The following SETBP1 variants were observed in gnomAD, a reference collection of about 807,000 sequenced individuals.
SETBP1 encodes SET-binding protein.
In SETBP1, 9 loss-of-function variants were observed where a neutral mutation model predicts 101.0. The observed-to-expected ratio is 0.09, with a 90% CI of 0.05 to 0.16. The LOEUF (loss-of-function observed/expected upper bound fraction) is 0.16. Ranked by LOEUF, SETBP1 falls within the 10% of genes least tolerant of loss-of-function variation. SETBP1 has a pLI of 1.00. For synonymous variants in SETBP1, 818 were observed against 788.5 expected (o/e 1.04, Z -0.63); for missense variants, 1,858 against 2,033.8 (o/e 0.91, Z 1.66).
intron 4 of SETBP1, among the ~76,000 whole-genome samples, chr18:44,960,145 C>T (rs2071580474): frequency 6.6e-6 from 1 of 152,048 alleles, no homozygotes; most frequent in African/African-American, 2.4e-5. Flanking sequence ...GATCCTCCCG[C>T]CTCGGCCACC....
intron 2 of SETBP1, among the ~76,000 whole-genome samples, chr18:44,774,368 TGTGTGTGG>T (rs950079397): frequency 8.6e-5 from 13 of 151,912 alleles, no homozygotes; most frequent in African/African-American, 3.1e-4. Context: ...AGTGTGTATG[TGTGTGTGG>T]GTGTGTGTGT....
intron 3 of SETBP1, 121 bp downstream of exon 3, chr18:44,869,404 C>G: frequency 1.1e-6 from 1 of 894,850 alleles, no homozygotes. Flanking sequence ...GCTTCTTTCC[C>G]TAGCTAACTG....
intron 2 of SETBP1, among the ~76,000 whole-genome samples, chr18:44,843,777 G>T (rs189529825): frequency 2.0e-5 from 3 of 152,294 alleles, no homozygotes; most frequent in East Asian, 1.9e-4. Context: ...AGTTTCTCAC[G>T]TGAGGCTAGG....
At position 44,921,193 on chromosome 18, in the gene SETBP1, A is replaced by T. The variant is rs557467721; in HGVS notation, c.541-28688A>T. On this transcript the variant is annotated intron_variant, in intron 3 of 5. Transcript: ENST00000649279. ...GAGGAAATTCCTAAAGTCTACTGGC[A>T]GTTCAGTTGTGAAGAACCTAACTAC... 3.4e-4 allele frequency among the ~76,000 whole-genome samples: 52 copies of T among 152,376 alleles called. 1 individual carries two copies. In the South Asian group the frequency reaches 0.01, roughly 30 times the overall value.
chr18:44,827,306 G>T (rs1481993452), intron 2 of SETBP1, among the ~76,000 whole-genome samples: 2 of 152,292 alleles, frequency 1.3e-5, no homozygotes, highest in Non-Finnish European at 2.9e-5. Context: ...GATTCTAACT[G>T]CATCCCCTTC....
At chr18:44,843,933 A>G (rs1459333418) in intron 2 of SETBP1, among the ~76,000 whole-genome samples, 1 of 152,058 alleles carries the variant, frequency 6.6e-6, no homozygotes, top group African/African-American at 2.4e-5. Context: ...ATTTTCCACA[A>G]ATTAAGTCTC....
chr18:44,971,374 C>A (rs2071854610), intron 4 of SETBP1, among the ~76,000 whole-genome samples: 1 of 152,150 alleles, frequency 6.6e-6, no homozygotes, highest in Non-Finnish European at 1.5e-5. Flanking sequence ...GTTTTATAAT[C>A]CTTTGGGTAT....
chr18:44,948,800 G>A (rs969485568), intron 3 of SETBP1, among the ~76,000 whole-genome samples: 3 of 152,166 alleles, frequency 2.0e-5, no homozygotes, highest in African/African-American at 7.2e-5. Flanking sequence ...CAAACGATGT[G>A]TTCACTATCC....
Position 44,916,403 on chromosome 18 carries a change from G to A in SETBP1, c.541-33478G>A, listed in dbSNP as rs534277073. Among the ~76,000 whole-genome samples the A allele has an allele frequency of 2.0e-5, 3 of 152,270 alleles. No individual in the cohort carries two copies. The East Asian group carries it at 5.8e-4, about 29-fold the overall frequency. On this transcript the variant is annotated intron_variant, in intron 3 of 5. Coordinates refer to ENST00000649279, the MANE Select transcript of SETBP1 (RefSeq NM_015559.3). ...AGGTTCCTTGGAATTTTCCCATAGA[G>A]GACAATCTTTTGCCTGCCACCCATG...
chr18:45,046,665 A>T (rs1342345302), intron 5 of SETBP1, among the ~76,000 whole-genome samples: 1 of 152,250 alleles, frequency 6.6e-6, no homozygotes. Context: ...CCTATGCAGT[A>T]CTTTAATTAT....
At chr18:44,941,076 AC>A (rs1481289066) in intron 3 of SETBP1, among the ~76,000 whole-genome samples, 4,777 of 124,792 alleles carry the variant, frequency 0.038, 256 homozygotes, top group African/African-American at 0.13. Context: ...GAGAAGTCAG[AC>A]TTTTTTTTTT....
intron 3 of SETBP1, among the ~76,000 whole-genome samples, chr18:44,925,386 A>G (rs2070683875): frequency 6.6e-6 from 1 of 152,134 alleles, no homozygotes; most frequent in South Asian, 2.1e-4. Context: ...CACTGCAGAA[A>G]AACCAGGCTG....
At chr18:44,797,248 ATGTTGTCTCACATATGT>A (rs1316384787) in intron 2 of SETBP1, among the ~76,000 whole-genome samples, 1 of 152,192 alleles carries the variant, frequency 6.6e-6, no homozygotes, top group Non-Finnish European at 1.5e-5. Flanking sequence ...TATTTGCTAT[ATGTTGTCTCACATATGT>A]TTAAATTTTT....
At chr18:44,866,684 T>C (rs183745215) in intron 2 of SETBP1, among the ~76,000 whole-genome samples, 1 of 152,342 alleles carries the variant, frequency 6.6e-6, no homozygotes, top group African/African-American at 2.4e-5. Context: ...CACATGTTGG[T>C]GGGCGTGTTC....
intron 3 of SETBP1, among the ~76,000 whole-genome samples, chr18:44,889,542 C>T (rs1447358616): frequency 6.6e-6 from 1 of 152,104 alleles, no homozygotes; most frequent in Admixed American, 6.6e-5. Context: ...GAGCTCAGAG[C>T]GTTGCTAAGG....
intron 2 of SETBP1, among the ~76,000 whole-genome samples, chr18:44,847,096 G>C (rs918573751): frequency 6.6e-6 from 1 of 152,202 alleles, no homozygotes; most frequent in African/African-American, 2.4e-5. Context: ...AAGAAACACA[G>C]CCTATAAATA....
At chr18:44,906,527 C>A (rs2070179418) in intron 3 of SETBP1, among the ~76,000 whole-genome samples, 1 of 152,204 alleles carries the variant, frequency 6.6e-6, no homozygotes, top group African/African-American at 2.4e-5. Flanking sequence ...GTCCTCCTCT[C>A]TTTTAAGAAG....
Position 45,029,722 on chromosome 18 carries a change from T to C in SETBP1, c.4001-8763T>C, listed in dbSNP as rs957214030. Among the ~76,000 whole-genome samples, 18 of 152,206 alleles carry C rather than the reference T, an allele frequency of 1.2e-4. 1 individual carries two copies. Among genetic ancestry groups the C allele is most frequent in the Admixed American group, 1.2e-3 (18 of 15,278 alleles). On this transcript the variant is annotated intron_variant, in intron 4 of 5. Coordinates refer to ENST00000649279, the MANE Select transcript of SETBP1 (RefSeq NM_015559.3). ...TTGTAGTTCTCCTTGAAGAGGTCCT[T>C]CATATCACTTGTAAGTTGGATTCCT...
chr18:44,779,666 G>T (rs1263993368), intron 2 of SETBP1, among the ~76,000 whole-genome samples: 2 of 152,072 alleles, frequency 1.3e-5, no homozygotes, highest in African/African-American at 2.4e-5. Context: ...GCTAACTGTC[G>T]AAGACTTTGT....
Sources: gnomAD v4.1 joint callset for allele counts (sites outside exome capture counted in the v4.1 genomes callset) on GRCh38, gnomAD v4.1.1 for gene constraint, MANE v1.5 for transcripts, NCBI Gene and HGNC (gene_info 2026-07-23, HGNC 2026-07-21) for gene names.